ADAT1: variants seen among roughly 807,000 people sequenced by gnomAD.
ADAT1 encodes tRNA-specific adenosine deaminase 1.
In ADAT1, 58 loss-of-function variants were observed where a neutral mutation model predicts 58.6. The observed-to-expected ratio is 0.99, with a 90% CI of 0.80 to 1.23. The LOEUF is 1.23. ADAT1 is among the 50% of genes most tolerant of loss of function. The pLI, the probability that ADAT1 is intolerant of heterozygous loss-of-function variation, is 0.00. For missense variants in ADAT1, 741 were observed against 608.6 expected, an observed-to-expected ratio of 1.22 and a Z score of -2.29; for synonymous variants, 254 against 220.8, an observed-to-expected ratio of 1.15 and a Z score of -1.33.
At chr16:75,605,007 A>C (rs549087428) in intron 8 of ADAT1, among the ~76,000 whole-genome samples, 1 of 152,212 alleles carries the variant, frequency 6.6e-6, no homozygotes, top group Admixed American at 6.5e-5. Flanking sequence ...CCTACTCAAC[A>C]TGAAGATCAT....
In ADAT1 at chr16:75,612,649, C is replaced by A. The variant is rs1318904774; in HGVS notation, c.637G>T (p.Ala213Ser). 3 of 1,613,992 alleles carry A rather than the reference C, an allele frequency of 1.9e-6. No homozygotes were observed. In the African/African-American group the frequency reaches 4.0e-5, roughly 22 times the overall value. The change falls in exon 6 of 10, where the codon GCT (alanine) becomes TCT (serine). Residue 213 changes from alanine to serine, a missense_variant. Physicochemically the swap from Ala to Ser is moderately conservative, Grantham distance 99. Transcript: ENST00000564657. ...TGCTTGCCAAAACTCTGATGGTGAG[C>A]TGCTCCGTTGGTGACCTCCCTGGCT... ...TAAREVTNGA[A>S]HHQSFGKQKS...
At chr16:75,612,215 T>A in intron 6 of ADAT1, 28 bp downstream of exon 6, 1 of 1,602,600 alleles carries the variant, frequency 6.2e-7, no homozygotes, top group Non-Finnish European at 8.5e-7. Context: ...GAATGACTGT[T>A]CCAATTGAGC....
intron 8 of ADAT1, among the ~76,000 whole-genome samples, chr16:75,606,562 C>A (rs1015114233): frequency 5.3e-5 from 8 of 152,202 alleles, no homozygotes; most frequent in Non-Finnish European, 8.8e-5. Context: ...GGAACTGAAG[C>A]CTCCTGCCAA....
intron 3 of ADAT1, among the ~76,000 whole-genome samples, chr16:75,618,862 G>T (rs1440172855): frequency 6.6e-6 from 1 of 152,052 alleles, no homozygotes; most frequent in East Asian, 1.9e-4. Context: ...TTGTTGTGGG[G>T]GATCTATTCC....
At chr16:75,601,010 C>G (rs993082849) in intron 9 of ADAT1, among the ~76,000 whole-genome samples, 3 of 152,130 alleles carry the variant, frequency 2.0e-5, no homozygotes, top group African/African-American at 7.2e-5. Flanking sequence ...CTAGTGGAAT[C>G]AGATAAAATA....
chr16:75,605,453 T>C (rs559463745), intron 8 of ADAT1, among the ~76,000 whole-genome samples: 2 of 152,286 alleles, frequency 1.3e-5, no homozygotes, highest in South Asian at 4.1e-4. Context: ...AGAATATGTA[T>C]ATAATACACA....
At position 75,622,477 on chromosome 16, in the gene ADAT1, C is replaced by G. The variant is rs968803742; in HGVS notation, c.-96G>C. ...CCTGGCCATCGACCTGAAATTAAACCAGAGGTGCAATTCACAAACCTCGAT... is the reference window on the plus strand; with the variant it reads ...CCTGGCCATCGACCTGAAATTAAACGAGAGGTGCAATTCACAAACCTCGAT... On this transcript the variant is annotated 5_prime_UTR_variant, in exon 1 of 10. Transcript: ENST00000564657. 6.6e-6 allele frequency: 1 copy of G among 152,104 alleles called. No individual in the cohort carries two copies. Among genetic ancestry groups the G allele is most frequent in the Non-Finnish European group, 1.5e-5 (1 of 68,022 alleles). 9.4% of individuals were successfully genotyped at this position (152,104 alleles called of 1,614,324 possible).
chr16:75,610,811 A>C (rs2081508585), intron 6 of ADAT1, among the ~76,000 whole-genome samples: 1 of 152,098 alleles, frequency 6.6e-6, no homozygotes, highest in Non-Finnish European at 1.5e-5. Flanking sequence ...ACTTTAAAAA[A>C]ATTAAAACTA....
chr16:75,600,482 T>A, intron 9 of ADAT1, 134 bp from the exon 10 acceptor site: 1 of 1,395,812 alleles, frequency 7.2e-7, no homozygotes, highest in Non-Finnish European at 9.6e-7. Flanking sequence ...TATGCTTTTG[T>A]GAAAGTTGAT....
intron 5 of ADAT1, among the ~76,000 whole-genome samples, chr16:75,614,579 A>G (rs932337622): frequency 7.2e-5 from 11 of 152,220 alleles, no homozygotes; most frequent in African/African-American, 2.2e-4. Flanking sequence ...TGACTTCCAG[A>G]GACCTCACAA....
In ADAT1 at chr16:75,609,050, T is replaced by C. The variant is rs540278021; in HGVS notation, c.1044-62A>G. On this transcript the variant is annotated intron_variant, in intron 6 of 9. Coordinates refer to ENST00000564657, the MANE Select transcript of ADAT1 (RefSeq NM_001324445.2). The stretch of plus-strand genomic sequence containing the variant: ...TGCCTAGAGAAAACAGTATCTAGGA[T>C]TGTGGCTCACATCATCACCCCTGAG... The C allele has an allele frequency of 2.6e-5, 41 of 1,589,056 alleles. 1 individual carries two copies. Among genetic ancestry groups the C allele is most frequent in the South Asian group, 2.0e-4 (18 of 89,692 alleles).
rs2081960960 is a variant in ADAT1, at chr16:75,622,421, C to G, written c.-40G>C. ...GACTCACCTCTCATTTCTAGGGAGG[C>G]ATCACAAGGCAGTATAGTTTATGAA... On this transcript the variant is annotated 5_prime_UTR_variant, in exon 1 of 10. It removes an upstream start codon present in the reference 5' UTR. Coordinates refer to ENST00000564657, the MANE Select transcript of ADAT1 (RefSeq NM_001324445.2). 1 of 152,106 alleles carries G rather than the reference C, an allele frequency of 6.6e-6. No homozygotes were observed. Among genetic ancestry groups the G allele is most frequent in the Admixed American group, 6.6e-5 (1 of 15,264 alleles). 9.4% of individuals were successfully genotyped at this position (152,106 alleles called of 1,614,324 possible).
chr16:75,614,047 G>A (rs141180360), intron 5 of ADAT1, among the ~76,000 whole-genome samples: 2,059 of 152,088 alleles, frequency 0.014, 56 homozygotes, highest in African/African-American at 0.047. Context: ...AAAATTAGCC[G>A]GGTGTGGTGG....
At chr16:75,607,116 G>A (rs1419697015) in intron 8 of ADAT1, among the ~76,000 whole-genome samples, 1 of 151,768 alleles carries the variant, frequency 6.6e-6, no homozygotes, top group Non-Finnish European at 1.5e-5. Flanking sequence ...TGTAGTCCCA[G>A]CTACTTGCGA....
At chr16:75,604,944 C>T (rs908107361) in intron 8 of ADAT1, among the ~76,000 whole-genome samples, 8 of 152,310 alleles carry the variant, frequency 5.3e-5, no homozygotes, top group Admixed American at 2.6e-4. Flanking sequence ...AGATTTTCTT[C>T]TGCCTCTGCA....
chr16:75,606,178 GGTTA>G (rs1170872548), intron 8 of ADAT1, among the ~76,000 whole-genome samples: 1 of 152,022 alleles, frequency 6.6e-6, no homozygotes. Context: ...ATAATGGTAA[GGTTA>G]GTGTTTTTAT....
chr16:75,603,793 G>C (rs975134264), intron 8 of ADAT1, among the ~76,000 whole-genome samples: 2 of 152,108 alleles, frequency 1.3e-5, no homozygotes, highest in African/African-American at 4.8e-5. Flanking sequence ...GCTGCATCTA[G>C]AAATTGGGAA....
At position 75,598,736 on chromosome 16, in the gene ADAT1, C is replaced by T. The variant is rs1016940488; in HGVS notation, c.*1480G>A. ...GTTTCATCATGTTGGCCAGACTGGTCTCGAACTCCTGACCTCAGGTGATCT... is the reference window on the plus strand; with the variant it reads ...GTTTCATCATGTTGGCCAGACTGGTTTCGAACTCCTGACCTCAGGTGATCT... On this transcript the variant is annotated 3_prime_UTR_variant, in exon 10 of 10. Transcript: ENST00000564657. 8.9e-6 allele frequency: 2 copies of T among 224,964 alleles called. No individual in the cohort carries two copies. The highest frequency in any genetic ancestry group is 1.5e-5 in the Non-Finnish European group (2 of 134,938). The allele number at this position is 224,964 out of a possible 1,614,324, so 13.9% of individuals were successfully genotyped here. A position where few individuals can be genotyped will look rare whatever the true frequency, so the allele number is the denominator to read the frequency against.
chr16:75,615,228 T>C (rs988461458), intron 5 of ADAT1, among the ~76,000 whole-genome samples: 56 of 151,674 alleles, frequency 3.7e-4, no homozygotes, highest in African/African-American at 1.3e-3. Context: ...AAAAAAACTC[T>C]CATTTCCTTT....
Sources: allele counts gnomAD v4.1 joint callset (sites outside exome capture counted in the v4.1 genomes callset), GRCh38; gene constraint gnomAD v4.1.1; transcripts MANE v1.5; gene names NCBI Gene and HGNC (gene_info 2026-07-23, HGNC 2026-07-21).